DLEU7: variants seen among roughly 807,000 people sequenced by gnomAD.
DLEU7 encodes leukemia-associated protein 7.
Under a neutral mutation model 16.0 loss-of-function variants are expected in DLEU7, and 17 were observed. The ratio of observed to expected loss-of-function variants is 1.06; its 90% confidence interval spans 0.73 to 1.59. The LOEUF is 1.59. DLEU7 is among the 40% of genes most tolerant of loss of function. The pLI, the probability that DLEU7 is intolerant of heterozygous loss-of-function variation, is 0.00. For synonymous variants in DLEU7, 113 were observed against 139.8 expected (o/e 0.81, Z 1.35); for missense variants, 308 against 314.9 (o/e 0.98, Z 0.17).
intron 1 of DLEU7, among the ~76,000 whole-genome samples, chr13:50,743,825 G>T (rs950075301): frequency 2.0e-5 from 3 of 152,128 alleles, no homozygotes; most frequent in African/African-American, 7.2e-5. Context: ...CTCTGCTGGG[G>T]TTACAAAAAT....
At position 50,789,001 on chromosome 13, in the gene DLEU7, G is replaced by T. The variant is rs544178832; in HGVS notation, c.459+54187C>A. On this transcript the variant is annotated intron_variant, in intron 1 of 1. Coordinates refer to the DLEU7 transcript ENST00000400393. The stretch of plus-strand genomic sequence containing the variant: ...GTGAAGTTTATTTTCCCTCTGTATG[G>T]CTGTAAATAATGGCTTCAATTTTGG... Among the ~76,000 whole-genome samples the T allele has an allele frequency of 7.2e-5, 11 of 152,234 alleles. No homozygotes were observed. The South Asian group carries it at 2.1e-3, about 29-fold the overall frequency.
At chr13:50,740,920 C>T (rs1242716949) in intron 1 of DLEU7, among the ~76,000 whole-genome samples, 1 of 152,100 alleles carries the variant, frequency 6.6e-6, no homozygotes, top group African/African-American at 2.4e-5. Flanking sequence ...TCAATTCTTC[C>T]TGAACTCATA....
At chr13:50,799,205 C>G (rs1157361225) in intron 1 of DLEU7, among the ~76,000 whole-genome samples, 1 of 152,208 alleles carries the variant, frequency 6.6e-6, no homozygotes, top group Admixed American at 6.5e-5. Flanking sequence ...TACACACATG[C>G]ACACATATAT....
intron 1 of DLEU7, among the ~76,000 whole-genome samples, chr13:50,748,562 C>T (rs1874468626): frequency 6.6e-6 from 1 of 151,948 alleles, no homozygotes; most frequent in Non-Finnish European, 1.5e-5. Flanking sequence ...GAGTCACAAG[C>T]CATGCGGGTG....
chr13:50,717,142 G>T (rs1480425953), intron 1 of DLEU7, among the ~76,000 whole-genome samples: 1 of 152,196 alleles, frequency 6.6e-6, no homozygotes, highest in African/African-American at 2.4e-5. Context: ...GATGCAACCA[G>T]CACAGAACTT....
chr13:50,767,437 CAG>C (rs371936405), intron 1 of DLEU7, among the ~76,000 whole-genome samples: 4 of 117,830 alleles, frequency 3.4e-5, no homozygotes, highest in African/African-American at 1.3e-4. Context: ...GCCTGGGCGA[CAG>C]AGCGAGACTC....
intron 1 of DLEU7, among the ~76,000 whole-genome samples, chr13:50,758,529 C>T (rs963252320): frequency 6.6e-6 from 1 of 152,194 alleles, no homozygotes; most frequent in Non-Finnish European, 1.5e-5. Context: ...CAGTAGCTTT[C>T]ATGAAGCTGC....
chr13:50,803,903 G>T (rs944636093), intron 1 of DLEU7, among the ~76,000 whole-genome samples: 1 of 152,028 alleles, frequency 6.6e-6, no homozygotes, highest in African/African-American at 2.4e-5. Context: ...ATTTGTAATG[G>T]ACTTAAAGAG....
At chr13:50,744,388 A>G (rs1874333019) in intron 1 of DLEU7, among the ~76,000 whole-genome samples, 1 of 152,164 alleles carries the variant, frequency 6.6e-6, no homozygotes, top group East Asian at 1.9e-4. Context: ...GGTTCCTTAT[A>G]TTAAATTCAC....
intron 1 of DLEU7, among the ~76,000 whole-genome samples, chr13:50,788,524 A>C (rs1178435169): frequency 6.6e-6 from 1 of 152,192 alleles, no homozygotes; most frequent in Non-Finnish European, 1.5e-5. Context: ...AGCCTCCATC[A>C]ATGGCTGCCT....
At chr13:50,812,882 A>AAAAC (rs1876611196) in intron 1 of DLEU7, 1 of 151,886 alleles carries the variant, frequency 6.6e-6, no homozygotes, top group South Asian at 2.1e-4. Context: ...GAATGACAGA[A>AAAAC]AAAAACCTCT....
chr13:50,805,085 T>C (rs1274890293), intron 1 of DLEU7, among the ~76,000 whole-genome samples: 1 of 152,190 alleles, frequency 6.6e-6, no homozygotes, highest in Non-Finnish European at 1.5e-5. Context: ...TCAACGTCTA[T>C]GAATAGTTGT....
chr13:50,727,381 A>C (rs1221806985), intron 1 of DLEU7, among the ~76,000 whole-genome samples: 1 of 152,174 alleles, frequency 6.6e-6, no homozygotes, highest in Admixed American at 6.5e-5. Flanking sequence ...GTGAGGACTG[A>C]AGAATTAACA....
chr13:50,768,565 C>T (rs1295844789), intron 1 of DLEU7, among the ~76,000 whole-genome samples: 1 of 151,766 alleles, frequency 6.6e-6, no homozygotes, highest in Non-Finnish European at 1.5e-5. Context: ...AGAGTTTGCT[C>T]AGAATGATGG....
At chr13:50,770,713 G>A (rs142547345) in intron 1 of DLEU7, among the ~76,000 whole-genome samples, 1,855 of 152,272 alleles carry the variant, frequency 0.012, 15 homozygotes, top group South Asian at 0.046. Flanking sequence ...TGTTCATCAG[G>A]GATATTGGTC....
At chr13:50,773,942 A>G (rs531028754) in intron 1 of DLEU7, among the ~76,000 whole-genome samples, 1 of 152,254 alleles carries the variant, frequency 6.6e-6, no homozygotes, top group South Asian at 2.1e-4. Flanking sequence ...CTTCCAGGCC[A>G]CTTTGTTTAC....
Position 50,843,087 on chromosome 13 carries a change from T to C in DLEU7, c.459+101A>G. 2.6e-6 allele frequency: 3 copies of C among 1,172,350 alleles called. No homozygotes were observed. Among genetic ancestry groups the C allele is most frequent in the Non-Finnish European group, 3.5e-6 (3 of 860,740 alleles). 72.6% of individuals were successfully genotyped at this position (1,172,350 alleles called of 1,614,324 possible). A position where few individuals can be genotyped will look rare whatever the true frequency, so the allele number is the denominator to read the frequency against. On this transcript the variant is annotated intron_variant, in intron 1 of 1. Coordinates refer to ENST00000504404, the MANE Select transcript of DLEU7 (RefSeq NM_001306135.2). This position sits in a 1 kb window ranked among gnomAD's most constrained non-coding sequence, Gnocchi z 5.7. ...GCTGAATCACAGTGGGCAGCAGTGTTTGGGATCCTGCGATCCACCCATCGC... is the reference window on the plus strand; with the variant it reads ...GCTGAATCACAGTGGGCAGCAGTGTCTGGGATCCTGCGATCCACCCATCGC...
At chr13:50,770,109 G>T (rs1875249489) in intron 1 of DLEU7, among the ~76,000 whole-genome samples, 2 of 152,218 alleles carry the variant, frequency 1.3e-5, no homozygotes, top group Admixed American at 6.5e-5. Flanking sequence ...TGTGATTTTT[G>T]CCCATTGATT....
chr13:50,811,350 T>C (rs1348576217), intron 1 of DLEU7, among the ~76,000 whole-genome samples: 1 of 152,112 alleles, frequency 6.6e-6, no homozygotes, highest in Non-Finnish European at 1.5e-5. Flanking sequence ...GGAGTGCTCA[T>C]ATATGCCAGA....
Sources: gnomAD v4.1 joint callset for allele counts (sites outside exome capture counted in the v4.1 genomes callset) on GRCh38, gnomAD v4.1.1 for gene constraint, Gnocchi (gnomAD v3.1) non-coding constraint, MANE v1.5 for transcripts, NCBI Gene and HGNC (gene_info 2026-07-23, HGNC 2026-07-21) for gene names.